The following GMEB1 variants were observed in gnomAD, a reference collection of about 807,000 sequenced individuals.
GMEB1 encodes glucocorticoid modulatory element binding protein 1, also known as glucocorticoid modulatory element-binding protein 1.
In GMEB1, 6 loss-of-function variants were observed where a neutral mutation model predicts 52.4. The observed-to-expected ratio is 0.11, with a 90% CI of 0.06 to 0.23. The LOEUF (loss-of-function observed/expected upper bound fraction) is 0.23. Among genes scored for constraint, GMEB1 ranks in the 10% least tolerant of loss-of-function variants. GMEB1 has a pLI of 1.00. For synonymous variants in GMEB1, 255 were observed against 244.9 expected, an observed-to-expected ratio of 1.04 and a Z score of -0.38; for missense variants, 486 against 685.6, an observed-to-expected ratio of 0.71 and a Z score of 3.25.
At chr1:28,686,328 A>T (rs1669637488) in intron 2 of GMEB1, among the ~76,000 whole-genome samples, 1 of 152,018 alleles carries the variant, frequency 6.6e-6, no homozygotes, top group Non-Finnish European at 1.5e-5. Context: ...GCAACAGAGT[A>T]AGACCGTGTG....
chr1:28,714,504 C>G lies in GMEB1; in HGVS notation c.1423C>G (p.Leu475Val). Residue 475 changes from leucine (L) to valine (V), a missense_variant, in exon 10 of 10, where the codon CTG becomes GTG. Around this residue, in one of 5 missense-constraint regions of GMEB1, gnomAD observed 153 missense variants for 200.8 expected, o/e 0.76. Transcript: ENST00000373816. ...TACTGCCATGCAGGATGGGAGTACA[C>G]TGGGCAACATGACCACCATGGTTAG... is the stretch of plus-strand genomic sequence containing the variant. ...SSTAMQDGST[L>V]GNMTTMVSPV... 1.2e-6 allele frequency: 2 copies of G among 1,614,202 alleles called. No homozygotes were observed. The highest frequency in any genetic ancestry group is 1.7e-6 in the Non-Finnish European group (2 of 1,180,034).
At chr1:28,693,345 G>A (rs1570409301) in intron 5 of GMEB1, among the ~76,000 whole-genome samples, 2 of 151,324 alleles carry the variant, frequency 1.3e-5, no homozygotes, top group East Asian at 3.9e-4. Flanking sequence ...AGCCTCCCGA[G>A]TAGCTGGGAT....
At chr1:28,690,008 G>T in intron 2 of GMEB1, 96 bp from the exon 3 acceptor site, 1 of 736,092 alleles carries the variant, frequency 1.4e-6, no homozygotes, top group Non-Finnish European at 2.3e-6. Flanking sequence ...TATTTCTTTT[G>T]AGATAGTTTG....
chr1:28,714,102 A>C lies in GMEB1; in HGVS notation c.1021A>C (p.Lys341Gln), dbSNP rs1671180825. The C allele has an allele frequency of 6.2e-7, 1 of 1,611,668 alleles. No individual in the cohort carries two copies. Among genetic ancestry groups the C allele is most frequent in the Non-Finnish European group, 8.5e-7 (1 of 1,177,884 alleles). The stretch of plus-strand genomic sequence containing the variant: ...GGAACGCCAGTTGGAGGAGCAGAAG[A>C]AGCAAGGCCAGGATCACAGGCTGAA... ...DLERQLEEQKKQGQDHRLKSQ... is the reference protein window; with the variant it reads ...DLERQLEEQKQQGQDHRLKSQ... The change falls in exon 10 of 10, where the codon AAG becomes CAG. Residue 341 changes from lysine to glutamine, a missense_variant. Lys to Gln is a moderately conservative substitution (Grantham distance 53). This residue lies in a region of GMEB1 where 200 missense variants were observed against 253.5 expected (regional missense o/e 0.79). Coordinates refer to ENST00000373816, the MANE Select transcript of GMEB1 (RefSeq NM_001319674.2).
At chr1:28,710,383 TC>T (rs1201636004) in intron 8 of GMEB1, 136 bp from the exon 9 acceptor site, 96 of 503,448 alleles carry the variant, frequency 1.9e-4, no homozygotes, top group Non-Finnish European at 1.8e-4. Context: ...ATGTAATAAA[TC>T]TTTGTTAAAA....
Position 28,714,872 on chromosome 1 carries a change from TTA to T in GMEB1, c.*100_*101del. The stretch of plus-strand genomic sequence containing the variant: ...ACTCATTTCCACATAGGACCCTTTT[TTA>T]AAAAAAAAAAAACAAAATCTTATTG... On this transcript the variant is annotated 3_prime_UTR_variant, in exon 10 of 10. Transcript: ENST00000373816. The T allele has an allele frequency of 3.7e-6, 3 of 812,076 alleles. No homozygotes were observed. The highest frequency in any genetic ancestry group is 3.8e-6 in the Non-Finnish European group (2 of 527,802). 50.3% of individuals were successfully genotyped at this position (812,076 alleles called of 1,614,324 possible). A position where few individuals can be genotyped will look rare whatever the true frequency, so the allele number is the denominator to read the frequency against.
At chr1:28,703,610 A>G (rs899848902) in intron 7 of GMEB1, among the ~76,000 whole-genome samples, 10 of 152,132 alleles carry the variant, frequency 6.6e-5, no homozygotes, top group Non-Finnish European at 1.3e-4. Flanking sequence ...CAGTGAGCTG[A>G]TATCACGCCA....
chr1:28,711,733 G>A (rs940394824), intron 9 of GMEB1, among the ~76,000 whole-genome samples: 14 of 152,184 alleles, frequency 9.2e-5, no homozygotes, highest in African/African-American at 2.9e-4. Flanking sequence ...GGGATTATTA[G>A]TGTGAGCCAT....
At chr1:28,704,086 A>G (rs975642136) in intron 7 of GMEB1, 106 bp from the exon 8 acceptor site, 11 of 1,082,136 alleles carry the variant, frequency 1.0e-5, no homozygotes, top group Non-Finnish European at 1.3e-5. Flanking sequence ...GCCCAATAAG[A>G]AATCATTTTG....
intron 5 of GMEB1, among the ~76,000 whole-genome samples, chr1:28,693,613 T>G (rs1016520871): frequency 5.9e-5 from 9 of 151,418 alleles, no homozygotes; most frequent in Admixed American, 1.3e-4. Flanking sequence ...GCCTCCCGGG[T>G]TCAAGCAATT....
At chr1:28,710,035 T>C (rs1670973875) in intron 8 of GMEB1, among the ~76,000 whole-genome samples, 1 of 152,022 alleles carries the variant, frequency 6.6e-6, no homozygotes, top group Non-Finnish European at 1.5e-5. Flanking sequence ...TAGTCCCAGC[T>C]ACTCGGGAGG....
chr1:28,701,268 C>CTTTTTTTTTTTTTTTTTT (rs67909525), intron 6 of GMEB1, among the ~76,000 whole-genome samples: 2 of 109,836 alleles, frequency 1.8e-5, no homozygotes, highest in Admixed American at 1.1e-4. Context: ...TAAAAGCTGT[C>CTTTTTTTTTTTTTTTTTT]TTTTTTTTTT....
intron 8 of GMEB1, among the ~76,000 whole-genome samples, chr1:28,710,232 T>C (rs1399313142): frequency 2.6e-5 from 4 of 152,190 alleles, no homozygotes; most frequent in Non-Finnish European, 5.9e-5. Context: ...CTTGAACTCC[T>C]GGCCTCAAGC....
chr1:28,690,276 C>A, intron 3 of GMEB1, 90 bp downstream of exon 3: 1 of 619,328 alleles, frequency 1.6e-6, no homozygotes. Flanking sequence ...TTCTTGCCAT[C>A]TGTGCCTTAT....
chr1:28,686,132 G>C (rs1445650380), intron 2 of GMEB1, among the ~76,000 whole-genome samples: 2 of 151,948 alleles, frequency 1.3e-5, no homozygotes, highest in East Asian at 3.9e-4. Flanking sequence ...CATGAGCCCA[G>C]GAGTTCAAAA....
At chr1:28,697,433 C>T (rs1670279043) in intron 6 of GMEB1, among the ~76,000 whole-genome samples, 2 of 151,980 alleles carry the variant, frequency 1.3e-5, no homozygotes, top group South Asian at 4.1e-4. Flanking sequence ...GTCTTGAACT[C>T]CCAACCTCAG....
chr1:28,695,922 G>T (rs1306596663), intron 5 of GMEB1, among the ~76,000 whole-genome samples: 1 of 91,956 alleles, frequency 1.1e-5, no homozygotes, highest in Non-Finnish European at 1.9e-5. Context: ...CTGGGCGACA[G>T]AGCGAGACTC....
chr1:28,694,628 G>A (rs1670114776), intron 5 of GMEB1, among the ~76,000 whole-genome samples: 1 of 151,732 alleles, frequency 6.6e-6, no homozygotes, highest in African/African-American at 2.4e-5. Flanking sequence ...CTACAGGTGT[G>A]AGCCAGTGTG....
chr1:28,704,028 C>G (rs1557518042), intron 7 of GMEB1, among the ~76,000 whole-genome samples, 164 bp from the exon 8 acceptor site: 1 of 151,954 alleles, frequency 6.6e-6, no homozygotes, highest in African/African-American at 2.4e-5. Flanking sequence ...GGTGCCCACT[C>G]AGGGAAGCAT....
Sources: gnomAD v4.1 joint callset for allele counts (sites outside exome capture counted in the v4.1 genomes callset) on GRCh38, gnomAD v4.1.1 for gene constraint, gnomAD v4.1.1 regional missense constraint, MANE v1.5 for transcripts, NCBI Gene and HGNC (gene_info 2026-07-23, HGNC 2026-07-21) for gene names.